RGS7BP: variants seen among roughly 807,000 people sequenced by gnomAD.
The protein encoded by RGS7BP is regulator of G protein signaling 7 binding protein.
A neutral mutation model predicts 31.3 loss-of-function variants in RGS7BP; 9 were observed. That is an observed-to-expected ratio of 0.29 (90% CI 0.17 to 0.50). RGS7BP has a LOEUF of 0.50. Among genes scored for constraint, RGS7BP ranks in the 20% least tolerant of loss-of-function variants. The pLI is 0.98. For missense variants in RGS7BP, 274 were observed against 322.0 expected (o/e 0.85, Z 1.14); for synonymous variants, 115 against 120.1 (o/e 0.96, Z 0.28).
chr5:64,569,677 A>T (rs76818766), intron 2 of RGS7BP, among the ~76,000 whole-genome samples: 20,846 of 152,212 alleles, frequency 0.14, 1,751 homozygotes, highest in Middle Eastern at 0.34. Context: ...CACTGAAGTC[A>T]TATGAAGACT....
At chr5:64,512,432 G>A (rs1293005267) in intron 2 of RGS7BP, among the ~76,000 whole-genome samples, 1 of 152,154 alleles carries the variant, frequency 6.6e-6, no homozygotes, top group African/African-American at 2.4e-5. Context: ...GACCAGACTG[G>A]CAGTCTGGCT....
At position 64,506,873 on chromosome 5, in the gene RGS7BP, T is replaced by C; in HGVS notation, c.165+84T>C. ...CATGTATGTTAATCATTTGCCTGAG[T>C]GCCAGCCACTCCCCCACCCTCAGCT... On this transcript the variant is annotated intron_variant, in intron 1 of 5. Coordinates refer to ENST00000334025, the MANE Select transcript of RGS7BP (RefSeq NM_001029875.3). This position sits in a 1 kb window ranked among gnomAD's most constrained non-coding sequence, Gnocchi z 4.6. The C allele has an allele frequency of 8.5e-6, 11 of 1,290,020 alleles. No homozygotes were observed. The highest frequency in any genetic ancestry group is 1.1e-5 in the Non-Finnish European group (10 of 940,072). The allele number at this position is 1,290,020 out of a possible 1,614,324, so 79.9% of individuals were successfully genotyped here.
rs531483797 is a variant in RGS7BP at position 64,514,001 on chromosome 5, T to C, written c.332+6124T>C. On this transcript the variant is annotated intron_variant, in intron 2 of 5. Transcript: ENST00000334025. ...GGAGGCTGGAAATCTAAGGTCAAGG[T>C]GTCAGCAGGGTTGGTTCCCTCTGAG... Among the ~76,000 whole-genome samples the C allele has an allele frequency of 2.6e-4, 40 of 152,292 alleles. No homozygotes were observed. In the East Asian group the frequency reaches 4.3e-3, roughly 16 times the overall value.
chr5:64,549,982 G>C (rs559141928), intron 2 of RGS7BP, among the ~76,000 whole-genome samples: 8 of 152,266 alleles, frequency 5.3e-5, no homozygotes, highest in African/African-American at 1.4e-4. Context: ...CGAGAAAACA[G>C]TTCAGCCAAG....
At position 64,506,527 on chromosome 5, in the gene RGS7BP, G is replaced by A; in HGVS notation, c.-98G>A. ...ACTGTGAGCTGCGCGCCTCAGGTCC[G>A]GGCTCCGGCTGCTTGGCGGCGGCGC... On this transcript the variant is annotated 5_prime_UTR_variant, in exon 1 of 6. Coordinates refer to ENST00000334025, the MANE Select transcript of RGS7BP (RefSeq NM_001029875.3). This position sits in a 1 kb window ranked among gnomAD's most constrained non-coding sequence, Gnocchi z 4.6. The A allele has an allele frequency of 2.7e-6, 3 of 1,121,112 alleles. No homozygotes were observed. Among genetic ancestry groups the A allele is most frequent in the African/African-American group, 1.6e-5 (1 of 63,600 alleles). 69.4% of individuals were successfully genotyped at this position (1,121,112 alleles called of 1,614,324 possible). A position where few individuals can be genotyped will look rare whatever the true frequency, so the allele number is the denominator to read the frequency against.
At chr5:64,601,973 G>T (rs1580471848) in intron 5 of RGS7BP, among the ~76,000 whole-genome samples, 1 of 152,164 alleles carries the variant, frequency 6.6e-6, no homozygotes, top group African/African-American at 2.4e-5. Flanking sequence ...CATAGAATTT[G>T]GTCGTTGATG....
rs370144574 is a variant in RGS7BP at position 64,531,855 on chromosome 5, T to C, written c.332+23978T>C. ...TTAGGTAATTTAGAGAACTCCTTTA[T>C]TAATAACATTGGAGTAGCATATTTA... is the stretch of plus-strand genomic sequence containing the variant. On this transcript the variant is annotated intron_variant, in intron 2 of 5. Coordinates refer to ENST00000334025, the MANE Select transcript of RGS7BP (RefSeq NM_001029875.3). Among the ~76,000 whole-genome samples, 10 of 152,362 alleles carry C rather than the reference T, an allele frequency of 6.6e-5. No individual in the cohort carries two copies. In the East Asian group the frequency reaches 1.5e-3, roughly 23 times the overall value.
chr5:64,601,220 G>GA (rs1743207075), intron 5 of RGS7BP, among the ~76,000 whole-genome samples: 1 of 151,764 alleles, frequency 6.6e-6, no homozygotes, highest in Admixed American at 6.6e-5. Context: ...CCTCAAATCA[G>GA]AAAAAAAGGG....
At chr5:64,597,972 A>G (rs1743119310) in intron 4 of RGS7BP, among the ~76,000 whole-genome samples, 1 of 152,208 alleles carries the variant, frequency 6.6e-6, no homozygotes. Context: ...CCTTGATAGC[A>G]CCATCACCCA....
chr5:64,538,409 T>C (rs1329541245), intron 2 of RGS7BP, among the ~76,000 whole-genome samples: 1 of 151,828 alleles, frequency 6.6e-6, no homozygotes, highest in African/African-American at 2.4e-5. Context: ...ATTTTGTTCC[T>C]ACTATTTTGT....
At chr5:64,604,537 T>G (rs184617559) in intron 5 of RGS7BP, among the ~76,000 whole-genome samples, 2 of 152,218 alleles carry the variant, frequency 1.3e-5, no homozygotes, top group Admixed American at 6.5e-5. Flanking sequence ...GTTCTCAAAG[T>G]GTGCTCTTAG....
chr5:64,590,902 C>T (rs1043274270), intron 3 of RGS7BP, among the ~76,000 whole-genome samples: 14 of 152,000 alleles, frequency 9.2e-5, no homozygotes, highest in Admixed American at 1.3e-4. Context: ...GGGCAATTGG[C>T]TCTTCATTTG....
intron 3 of RGS7BP, among the ~76,000 whole-genome samples, chr5:64,585,099 GT>G (rs1388532641): frequency 6.6e-6 from 1 of 152,144 alleles, no homozygotes; most frequent in African/African-American, 2.4e-5. Context: ...TGAATCTAAT[GT>G]AAGCCATGTT....
chr5:64,524,386 G>T (rs1454986585), intron 2 of RGS7BP, among the ~76,000 whole-genome samples: 1 of 152,130 alleles, frequency 6.6e-6, no homozygotes, highest in African/African-American at 2.4e-5. Flanking sequence ...TAAGGTGAAG[G>T]AGATTAGGGA....
intron 2 of RGS7BP, chr5:64,539,924 A>C (rs1054317786): frequency 2.0e-5 from 3 of 152,156 alleles, no homozygotes; most frequent in African/African-American, 7.2e-5. Flanking sequence ...CCAATGTTTC[A>C]GTATTATTTG....
At chr5:64,605,323 A>G (rs1743324778) in intron 5 of RGS7BP, among the ~76,000 whole-genome samples, 1 of 152,166 alleles carries the variant, frequency 6.6e-6, no homozygotes, top group Non-Finnish European at 1.5e-5. Flanking sequence ...GAAAATTTAG[A>G]ATGAGTGGGG....
chr5:64,562,947 A>G (rs928228903), intron 2 of RGS7BP, among the ~76,000 whole-genome samples: 1 of 152,108 alleles, frequency 6.6e-6, no homozygotes, highest in Non-Finnish European at 1.5e-5. Context: ...TTGTAACCTA[A>G]GGATCTGTAT....
At chr5:64,593,385 A>G (rs543719246) in intron 3 of RGS7BP, among the ~76,000 whole-genome samples, 6 of 152,194 alleles carry the variant, frequency 3.9e-5, no homozygotes, top group Non-Finnish European at 8.8e-5. Flanking sequence ...ACAAGTTTGT[A>G]GGTTTTATTT....
At chr5:64,507,617 G>A (rs1234004874) in intron 1 of RGS7BP, 94 bp from the exon 2 acceptor site, 3 of 1,146,384 alleles carry the variant, frequency 2.6e-6, no homozygotes, top group Admixed American at 2.5e-5. Context: ...GCTGACTCAG[G>A]GGTCAGTGAA....
Sources: gnomAD v4.1 joint callset for allele counts (sites outside exome capture counted in the v4.1 genomes callset) on GRCh38, gnomAD v4.1.1 for gene constraint, Gnocchi (gnomAD v3.1) non-coding constraint, MANE v1.5 for transcripts, NCBI Gene and HGNC (gene_info 2026-07-23, HGNC 2026-07-21) for gene names.